The following TCP11L2 variants were observed in gnomAD, a reference collection of about 807,000 sequenced individuals.
TCP11L2 encodes t-complex 11 like 2.
TCP11L2 carries 39 observed loss-of-function variants against 50.7 expected under a neutral mutation model. That is an observed-to-expected ratio of 0.77 (90% confidence interval 0.60 to 1.01). The LOEUF (loss-of-function observed/expected upper bound fraction) is 1.01. Among genes scored for constraint, TCP11L2 ranks in the 50% least tolerant of loss-of-function variants. The probability of loss-of-function intolerance (pLI) is 0.00; values close to 1 mark genes in which losing one functional copy is unlikely to be tolerated. For missense variants in TCP11L2, 612 were observed against 614.7 expected, an observed-to-expected ratio of 1.00 and a Z score of 0.05; for synonymous variants, 192 against 219.3, an observed-to-expected ratio of 0.88 and a Z score of 1.10.
intron 1 of TCP11L2, among the ~76,000 whole-genome samples, chr12:106,305,641 GCTC>G (rs1321418619): frequency 1.3e-5 from 2 of 152,224 alleles, no homozygotes; most frequent in East Asian, 3.8e-4. Context: ...TACTCACTGA[GCTC>G]CTGCTCTAGC....
In TCP11L2 at chr12:106,311,166, A is replaced by G. The variant is rs1053526364; in HGVS notation, c.91A>G (p.Ser31Gly). The change falls in exon 2 of 10, where the codon AGT becomes GGT. Residue 31 changes from serine to glycine, a missense_variant. Ser to Gly is a moderately conservative substitution (Grantham distance 56). Transcript: ENST00000299045. ...GTTTTCCGAAAGCATGGCTTCGCTC[A>G]GTGACTATGAATGCTCCAGGCAGAG... is the stretch of plus-strand genomic sequence containing the variant. ...SRFSESMASLSDYECSRQSFA... is the reference protein window; with the variant it reads ...SRFSESMASLGDYECSRQSFA... 3 of 1,614,110 alleles carry G rather than the reference A, an allele frequency of 1.9e-6. No individual in the cohort carries two copies. The highest frequency in any genetic ancestry group is 2.5e-6 in the Non-Finnish European group (3 of 1,180,052).
At chr12:106,300,032 A>C (rs1257328755), upstream of TCP11L2, among the ~76,000 whole-genome samples, 2 of 152,122 alleles carry the variant, frequency 1.3e-5, no homozygotes, top group Non-Finnish European at 2.9e-5. Context: ...ATTTACAGGG[A>C]GAAAAAAAAA....
upstream of TCP11L2, among the ~76,000 whole-genome samples, chr12:106,302,471 C>A (rs1234120457): frequency 2.0e-5 from 3 of 150,148 alleles, no homozygotes; most frequent in Admixed American, 2.0e-4. Context: ...CAACGCCGGG[C>A]GCTCCCGTCG....
In TCP11L2 at chr12:106,330,249, C is replaced by G. The variant is rs897537076; in HGVS notation, c.773-5390C>G. On this transcript the variant is annotated intron_variant, in intron 6 of 9. Coordinates refer to ENST00000299045, the MANE Select transcript of TCP11L2 (RefSeq NM_152772.3). ...TTGGCATGTCAAATTTCATTTAGTT[C>G]ATGATGTAAGAGACATTTTATTCAA... 5.1e-6 allele frequency: 5 copies of G among 984,998 alleles called. No homozygotes were observed. In the African/African-American group the frequency reaches 5.2e-5, roughly 10 times the overall value. 61.0% of individuals were successfully genotyped at this position (984,998 alleles called of 1,614,324 possible).
In TCP11L2 at chr12:106,314,533, TTCTG is replaced by T. The variant is rs780685470; in HGVS notation, c.293+42_293+45del. ...TTTGTTGTATATAAACTGCTGAAGATTCTGTGTGTGTGTGTGTGTGTGTGTGTGT... is the reference window on the plus strand; with the variant it reads ...TTTGTTGTATATAAACTGCTGAAGATTGTGTGTGTGTGTGTGTGTGTGTGT... On this transcript the variant is annotated intron_variant, in intron 3 of 9. Coordinates refer to ENST00000299045, the MANE Select transcript of TCP11L2 (RefSeq NM_152772.3). 13 of 1,477,438 alleles carry T rather than the reference TTCTG, an allele frequency of 8.8e-6. No homozygotes were observed. The East Asian group carries it at 1.9e-4, about 22-fold the overall frequency. The allele number at this position is 1,477,438 out of a possible 1,614,324, so 91.5% of individuals were successfully genotyped here.
At chr12:106,317,501 G>T (rs2035137453) in intron 3 of TCP11L2, among the ~76,000 whole-genome samples, 1 of 152,220 alleles carries the variant, frequency 6.6e-6, no homozygotes. Flanking sequence ...GGGCGACAGA[G>T]TGAGACTCTG....
intron 3 of TCP11L2, among the ~76,000 whole-genome samples, chr12:106,317,074 C>T (rs1346599131): frequency 3.3e-5 from 5 of 152,216 alleles, no homozygotes; most frequent in Non-Finnish European, 7.4e-5. Flanking sequence ...ACTTCAAATG[C>T]ATACTCACTA....
chr12:106,325,868 G>A (rs1021738664), intron 6 of TCP11L2: 1 of 149,700 alleles, frequency 6.7e-6, no homozygotes, highest in African/African-American at 2.5e-5. Flanking sequence ...TCCAGCCTGG[G>A]GGGCTGAGCA....
At chr12:106,345,869 T>C (rs2036214897) in intron 9 of TCP11L2, among the ~76,000 whole-genome samples, 1 of 152,212 alleles carries the variant, frequency 6.6e-6, no homozygotes, top group East Asian at 1.9e-4. Context: ...TGAATGCTGG[T>C]TGGCTATGGG....
chr12:106,300,540 C>A (rs1294627529), upstream of TCP11L2, among the ~76,000 whole-genome samples: 2 of 152,088 alleles, frequency 1.3e-5, no homozygotes, highest in African/African-American at 4.8e-5. Flanking sequence ...CCGTGTTAGC[C>A]AGGATGGTCT....
intron 6 of TCP11L2, among the ~76,000 whole-genome samples, chr12:106,326,754 C>T (rs1243395203): frequency 1.3e-5 from 2 of 152,200 alleles, no homozygotes; most frequent in African/African-American, 4.8e-5. Flanking sequence ...CCCTGCCTCT[C>T]TTCAAACAAG....
At chr12:106,319,049 C>T (rs1017972580) in intron 4 of TCP11L2, among the ~76,000 whole-genome samples, 94 of 152,156 alleles carry the variant, frequency 6.2e-4, no homozygotes, top group Middle Eastern at 3.4e-3. Flanking sequence ...GTAGCTGGGA[C>T]TACAGGCGCC....
intron 3 of TCP11L2, among the ~76,000 whole-genome samples, chr12:106,314,770 C>T (rs552832088): frequency 7.9e-5 from 12 of 151,908 alleles, no homozygotes; most frequent in Admixed American, 5.9e-4. Flanking sequence ...GAGGTGGAGG[C>T]GGGAGGATTC....
intron 6 of TCP11L2, chr12:106,329,557 G>T: frequency 7.0e-7 from 1 of 1,419,892 alleles, no homozygotes; most frequent in Non-Finnish European, 9.2e-7. Flanking sequence ...CCCTGCCTCA[G>T]ACAGAATAAA....
intron 5 of TCP11L2, 37 bp from the exon 6 acceptor site, chr12:106,323,473 C>G: frequency 1.3e-6 from 2 of 1,511,140 alleles, no homozygotes; most frequent in Admixed American, 1.9e-5. Flanking sequence ...AGCTTCACTT[C>G]TTAATCATCT....
chr12:106,333,554 T>G (rs151248044), intron 6 of TCP11L2, among the ~76,000 whole-genome samples: 136 of 152,258 alleles, frequency 8.9e-4, no homozygotes, highest in African/African-American at 3.2e-3. Context: ...AGGTGGTAGT[T>G]GCACAGGTAT....
In TCP11L2 at chr12:106,312,094, A is replaced by G. The variant is rs183765776; in HGVS notation, c.157+862A>G. On this transcript the variant is annotated intron_variant, in intron 2 of 9. Coordinates refer to ENST00000299045, the MANE Select transcript of TCP11L2 (RefSeq NM_152772.3). ...GTATCTTTATCCTTCACATAGACAT[A>G]TGTGTGTATATGTGTGTGGACTCTT... 3.3e-5 allele frequency among the ~76,000 whole-genome samples: 5 copies of G among 152,102 alleles called. No individual in the cohort carries two copies. The East Asian group carries it at 7.7e-4, about 23-fold the overall frequency.
chr12:106,307,675 G>A (rs2034686188), intron 1 of TCP11L2, among the ~76,000 whole-genome samples: 2 of 152,100 alleles, frequency 1.3e-5, no homozygotes, highest in African/African-American at 4.8e-5. Context: ...TGGGCCATTC[G>A]CTTTTGGTTT....
intron 8 of TCP11L2, among the ~76,000 whole-genome samples, chr12:106,338,336 G>A (rs1438753284): frequency 6.6e-6 from 1 of 152,096 alleles, no homozygotes; most frequent in Non-Finnish European, 1.5e-5. Flanking sequence ...TTTAAGTGTA[G>A]GAGCCAGTAT....
Sources: allele counts gnomAD v4.1 joint callset (sites outside exome capture counted in the v4.1 genomes callset), GRCh38; gene constraint gnomAD v4.1.1; transcripts MANE v1.5; gene names NCBI Gene and HGNC (gene_info 2026-07-23, HGNC 2026-07-21).